Variants in CPT1C observed in about 807,000 individuals in gnomAD.
CPT1C encodes palmitoyl thioesterase CPT1C.
A neutral mutation model predicts 97.3 loss-of-function variants in CPT1C; 61 were observed. That is an observed-to-expected ratio of 0.63 (90% CI 0.51 to 0.78). The LOEUF (loss-of-function observed/expected upper bound fraction) is 0.78. Ranked by LOEUF, CPT1C falls within the 30% of genes least tolerant of loss-of-function variation. The pLI is 0.00. For synonymous variants in CPT1C, 469 were observed against 447.2 expected (o/e 1.05, Z -0.61); for missense variants, 975 against 1,065.5 (o/e 0.92, Z 1.18).
chr19:49,702,070 A>ATT lies in CPT1C; in HGVS notation c.693+437_693+438insTT, dbSNP rs1213313817. On this transcript the variant is annotated intron_variant, in intron 7 of 19. Transcript: ENST00000598293. The stretch of plus-strand genomic sequence containing the variant: ...ATAAATTATAAATATATATTTATTT[A>ATT]TAAATTATAAATATATATTTATTTA... Among the ~76,000 whole-genome samples the ATT allele has an allele frequency of 3.5e-4, 39 of 110,570 alleles. 6 individuals carry two copies. The highest frequency in any genetic ancestry group is 1.4e-3 in the African/African-American group (38 of 26,418). 72.5% of individuals were successfully genotyped at this position (110,570 alleles called of 152,430 possible). A position where few individuals can be genotyped will look rare whatever the true frequency, so the allele number is the denominator to read the frequency against.
chr19:49,712,479 G>C (rs892259950), intron 17 of CPT1C: 2 of 520,182 alleles, frequency 3.8e-6, no homozygotes, highest in Admixed American at 3.3e-5. Context: ...GGGTCAGTGG[G>C]GTGGGGATAA....
Position 49,705,238 on chromosome 19 carries a change from T to A in CPT1C, c.904T>A (p.Leu302Ile). 6.2e-7 allele frequency: 1 copy of A among 1,613,978 alleles called. No individual in the cohort carries two copies. Among genetic ancestry groups the A allele is most frequent in the Non-Finnish European group, 8.5e-7 (1 of 1,179,912 alleles). ...GACTTTGCTGATGGGAATGCGCCCC[T>A]TATGCTCTGCCCAGTACGAGAAGAT... ...PPTLLMGMRP[L>I]CSAQYEKIFN... Residue 302 changes from leucine to isoleucine, a missense_variant, in exon 10 of 20, where the codon TTA becomes ATA. Around this residue, in one of 3 missense-constraint regions of CPT1C, gnomAD observed 596 missense variants for 603.1 expected, o/e 0.99. Coordinates refer to ENST00000598293, the MANE Select transcript of CPT1C (RefSeq NM_001199753.2).
intron 3 of CPT1C, 93 bp downstream of exon 3, chr19:49,692,486 T>G (rs778537248): frequency 4.7e-6 from 7 of 1,475,644 alleles, no homozygotes; most frequent in Non-Finnish European, 6.5e-6. Flanking sequence ...AGCTGGTTCA[T>G]TTCTGGGAGA....
intron 3 of CPT1C, among the ~76,000 whole-genome samples, chr19:49,694,087 A>AAAATAAATAAAT (rs143173653): frequency 2.8e-5 from 3 of 107,432 alleles, no homozygotes; most frequent in Admixed American, 8.8e-5. Flanking sequence ...AATAAAATAA[A>AAAATAAATAAAT]AAATAAATAA....
At chr19:49,700,596 G>A in intron 4 of CPT1C, 88 bp from the exon 5 acceptor site, 7 of 1,434,210 alleles carry the variant, frequency 4.9e-6, no homozygotes, top group Non-Finnish European at 6.7e-6. Flanking sequence ...ACAGCCAAAA[G>A]ATCAGCGCAG....
rs545963319 is a variant in CPT1C at position 49,713,559 on chromosome 19, G to T, written c.2366G>T (p.Arg789Leu). The change falls in exon 20 of 20, where the codon CGC becomes CTC. Residue 789 changes from arginine (R) to leucine (L), a missense_variant. By Grantham distance (102) the Arg-to-Leu change is moderately radical. Coordinates refer to ENST00000598293, the MANE Select transcript of CPT1C (RefSeq NM_001199753.2). ...AGGCACAGGTGTGGATTTCTCTCCC[G>T]CCAGACTGGGGCCTCCAAGGCCTCA... ...NSRHRCGFLS[R>L]QTGASKASMT... 8.1e-6 allele frequency: 13 copies of T among 1,613,756 alleles called. No individual in the cohort carries two copies. Among genetic ancestry groups the T allele is most frequent in the South Asian group, 3.3e-5 (3 of 91,050 alleles).
In CPT1C at chr19:49,707,630, C is replaced by T. The variant is rs368891420; in HGVS notation, c.1449+7C>T. On this transcript the variant is annotated splice_region_variant and intron_variant, in intron 13 of 19. Transcript: ENST00000598293. ...CTCAGGACACATGTGGGAGGTAGGGCGGCCAGCCCTCCCTGGTTCTGGGGA... is the reference window on the plus strand; with the variant it reads ...CTCAGGACACATGTGGGAGGTAGGGTGGCCAGCCCTCCCTGGTTCTGGGGA... The T allele has an allele frequency of 2.6e-5, 42 of 1,594,250 alleles. No homozygotes were observed. The highest frequency in any genetic ancestry group is 2.0e-4 in the African/African-American group (15 of 74,238).
In CPT1C at chr19:49,706,057, G is replaced by A. The variant is rs113324691; in HGVS notation, c.1113G>A (p.Pro371=). 9.9e-6 allele frequency: 16 copies of A among 1,613,790 alleles called. No individual in the cohort carries two copies. Among genetic ancestry groups the A allele is most frequent in the African/African-American group, 2.7e-5 (2 of 74,970 alleles). Residue 371 remains proline (P), a synonymous_variant, in exon 11 of 20, where the codon CCG becomes CCA. Transcript: ENST00000598293. This position sits in a 1 kb window ranked among gnomAD's most constrained non-coding sequence, Gnocchi z 4.8. The stretch of plus-strand genomic sequence containing the variant: ...AGAGAATCCTGGATGATCCCTCACC[G>A]GCCTGCCCCCACGAGGAACATCTGG... The part of the protein sequence containing the change: ...QFQRILDDPS[P]ACPHEEHLAA...
At chr19:49,705,846 A>C in intron 10 of CPT1C, 63 bp from the exon 11 acceptor site, 1 of 1,430,104 alleles carries the variant, frequency 7.0e-7, no homozygotes, top group Non-Finnish European at 9.6e-7. Context: ...TATATAATAA[A>C]TGGTCACTAT....
chr19:49,708,920 G>A, intron 14 of CPT1C, 81 bp downstream of exon 14: 2 of 909,756 alleles, frequency 2.2e-6, no homozygotes, highest in South Asian at 1.4e-5. Context: ...CCCCTAATCT[G>A]AACGTGAAAA....
intron 7 of CPT1C, 130 bp from the exon 8 acceptor site, chr19:49,704,580 T>C (rs1165193845): frequency 5.8e-6 from 4 of 694,622 alleles, no homozygotes; most frequent in Admixed American, 4.5e-5. Flanking sequence ...AGTTACTGAC[T>C]ACGATGGCTG....
intron 14 of CPT1C, among the ~76,000 whole-genome samples, chr19:49,710,085 T>G (rs2083761537): frequency 6.6e-6 from 1 of 152,036 alleles, no homozygotes; most frequent in African/African-American, 2.4e-5. Context: ...CGACCTCAGG[T>G]GATCCGCCCG....
chr19:49,700,262 CA>C (rs58306047), intron 4 of CPT1C, among the ~76,000 whole-genome samples: 5,256 of 146,272 alleles, frequency 0.036, 324 homozygotes, highest in African/African-American at 0.13. Flanking sequence ...CAAAACAAAA[CA>C]AAAAAAAAAA....
Position 49,701,331 on chromosome 19 carries a change from C to T in CPT1C, c.468C>T (p.Ile156=), listed in dbSNP as rs2083038399. 1 of 1,613,154 alleles carries T rather than the reference C, an allele frequency of 6.2e-7. No homozygotes were observed. The highest frequency in any genetic ancestry group is 1.3e-5 in the African/African-American group (1 of 75,040). The change falls in exon 6 of 20, where the codon ATC becomes ATT. Residue 156 remains isoleucine, a synonymous_variant. Coordinates refer to ENST00000598293, the MANE Select transcript of CPT1C (RefSeq NM_001199753.2). ...CTCCTCCCCAGGCCCTGGTCCGCATCTTCTCTGGCCGCCACCCGATGCTGT... is the reference window on the plus strand; with the variant it reads ...CTCCTCCCCAGGCCCTGGTCCGCATTTTCTCTGGCCGCCACCCGATGCTGT... The part of the protein sequence containing the change: ...PTKTWLALVR[I]FSGRHPMLFS...
At chr19:49,708,002 CAA>C (rs60276067) in intron 13 of CPT1C, among the ~76,000 whole-genome samples, 3,083 of 56,766 alleles carry the variant, frequency 0.054, 58 homozygotes, top group African/African-American at 0.062. Flanking sequence ...GAATACATCT[CAA>C]AAAAAAAAAA....
intron 14 of CPT1C, among the ~76,000 whole-genome samples, chr19:49,709,474 TCCATCC>T (rs1384660569): frequency 1.4e-5 from 2 of 147,208 alleles, no homozygotes; most frequent in African/African-American, 2.5e-5. Context: ...CAGTCCCTCC[TCCATCC>T]CCATCCCCAA....
chr19:49,711,853 C>T lies in CPT1C; in HGVS notation c.1911C>T (p.His637=). The change falls in exon 17 of 20, where the codon CAC becomes CAT. Residue 637 remains histidine, a synonymous_variant. Transcript: ENST00000598293. ...TGTTCCGCGTGGCAGTGGACAAGCA[C>T]CAGGCTCTGCTGAAGGCAGCCATGA... ...LALFRVAVDK[H]QALLKAAMSG... The T allele has an allele frequency of 1.2e-6, 2 of 1,613,956 alleles. No homozygotes were observed. Among genetic ancestry groups the T allele is most frequent in the Admixed American group, 1.7e-5 (1 of 60,016 alleles).
At position 49,707,608 on chromosome 19, in the gene CPT1C, A is replaced by G; in HGVS notation, c.1434A>G (p.Ser478=). 6.2e-7 allele frequency: 1 copy of G among 1,611,688 alleles called. No individual in the cohort carries two copies. The highest frequency in any genetic ancestry group is 1.3e-5 in the African/African-American group (1 of 74,918). The change falls in exon 13 of 20, where the codon TCA becomes TCG. Residue 478 remains serine, a synonymous_variant. Transcript: ENST00000598293. ...VEHSWADCPI[S]GHMWEFTLAT... ...ACTCCTGGGCCGACTGCCCCATCTC[A>G]GGACACATGTGGGAGGTAGGGCGGC... is the stretch of plus-strand genomic sequence containing the variant.
At chr19:49,694,089 A>T (rs1030750841) in intron 3 of CPT1C, among the ~76,000 whole-genome samples, 26 of 67,252 alleles carry the variant, frequency 3.9e-4, no homozygotes, top group African/African-American at 1.3e-3. Flanking sequence ...TAAAATAAAA[A>T]ATAAATAAAT....
Sources: gnomAD v4.1 joint callset for allele counts (sites outside exome capture counted in the v4.1 genomes callset) on GRCh38, gnomAD v4.1.1 for gene constraint, gnomAD v4.1.1 regional missense constraint, Gnocchi (gnomAD v3.1) non-coding constraint, MANE v1.5 for transcripts, NCBI Gene and HGNC (gene_info 2026-07-23, HGNC 2026-07-21) for gene names.